Variants in TMEM130 observed in about 807,000 individuals in gnomAD.
The protein encoded by TMEM130 is transmembrane protein 130.
A neutral mutation model predicts 42.9 loss-of-function variants in TMEM130; 37 were observed. The ratio of observed to expected loss-of-function variants is 0.86; its 90% confidence interval spans 0.66 to 1.13. The LOEUF (loss-of-function observed/expected upper bound fraction) is 1.13. Among genes scored for constraint, TMEM130 ranks in the 50% most tolerant of loss-of-function variants. The pLI, the probability that TMEM130 is intolerant of heterozygous loss-of-function variation, is 0.00. For synonymous variants in TMEM130, 259 were observed against 237.7 expected (o/e 1.09, Z -0.82); for missense variants, 545 against 562.6 (o/e 0.97, Z 0.32).
chr7:98,859,011 G>A (rs782524767), intron 3 of TMEM130, among the ~76,000 whole-genome samples: 1 of 146,856 alleles, frequency 6.8e-6, no homozygotes, highest in Admixed American at 6.9e-5. Context: ...GAGAGGAGAG[G>A]AAGGGGGAAG....
rs782057076 is a variant in TMEM130, at chr7:98,851,579, G to A, written c.848C>T (p.Pro283Leu). 20 of 1,613,780 alleles carry A rather than the reference G, an allele frequency of 1.2e-5. No individual in the cohort carries two copies. The highest frequency in any genetic ancestry group is 1.6e-4 in the Middle Eastern group (1 of 6,082). The change falls in exon 6 of 8, where the codon CCG (proline) becomes CTG (leucine). Residue 283 changes from proline (P) to leucine (L), a missense_variant. Transcript: ENST00000339375. ...AGGGTGGCACTCCCCTTCCTCCAGC[G>A]GGAGGCACTCAGGCTTGAGACGCCA... ...VCWRLKPECL[P>L]LEEGECHPVS...
intron 1 of TMEM130, among the ~76,000 whole-genome samples, chr7:98,865,567 C>T (rs1554400518): frequency 6.6e-6 from 1 of 152,124 alleles, no homozygotes; most frequent in African/African-American, 2.4e-5. Context: ...AAGATTGCGC[C>T]ACTGCACTCC....
At chr7:98,861,765 A>T (rs1562910686) in intron 2 of TMEM130, among the ~76,000 whole-genome samples, 1 of 152,238 alleles carries the variant, frequency 6.6e-6, no homozygotes, top group Non-Finnish European at 1.5e-5. Context: ...AGAAAAAGGC[A>T]TGCTCAATAG....
chr7:98,858,570 G>A (rs1433167717), intron 3 of TMEM130, among the ~76,000 whole-genome samples: 1 of 152,044 alleles, frequency 6.6e-6, no homozygotes, highest in Non-Finnish European at 1.5e-5. Flanking sequence ...GGTGAGGAAA[G>A]CCAAGCACAG....
chr7:98,848,283 AC>A (rs1554397702), intron 7 of TMEM130, 75 bp from the exon 8 acceptor site: 1 of 1,581,186 alleles, frequency 6.3e-7, no homozygotes, highest in Admixed American at 1.8e-5. Context: ...TCACCCACCC[AC>A]CAGGAGCCCC....
chr7:98,861,263 G>A (rs1193566795), intron 2 of TMEM130, among the ~76,000 whole-genome samples: 4 of 151,762 alleles, frequency 2.6e-5, no homozygotes, highest in South Asian at 2.1e-4. Context: ...GTGTGAATCC[G>A]GGAGGCAGAG....
Position 98,847,957 on chromosome 7 carries a change from C to A in TMEM130, c.*99G>T. On this transcript the variant is annotated 3_prime_UTR_variant, in exon 8 of 8. Transcript: ENST00000339375. ...TGGATGATCCAGGCCAACAGCCCCA[C>A]GCAAATGAACCCCTCCTGGTCAGTG... The A allele has an allele frequency of 4.9e-6, 6 of 1,212,572 alleles. No individual in the cohort carries two copies. The highest frequency in any genetic ancestry group is 1.4e-5 in the South Asian group (1 of 70,520). 75.1% of individuals were successfully genotyped at this position (1,212,572 alleles called of 1,614,324 possible).
At chr7:98,851,244 C>T (rs901040378) in intron 6 of TMEM130, among the ~76,000 whole-genome samples, 177 bp downstream of exon 6, 5 of 151,990 alleles carry the variant, frequency 3.3e-5, no homozygotes, top group South Asian at 2.1e-4. Flanking sequence ...AGTTGGCCAG[C>T]GCTGATGTTG....
chr7:98,848,577 A>T lies in TMEM130; in HGVS notation c.1119+6T>A. On this transcript the variant is annotated splice_donor_region_variant and intron_variant, in intron 7 of 7. Coordinates refer to ENST00000339375, the MANE Select transcript of TMEM130 (RefSeq NM_152913.3). ...TAGTCCAGCCCCCACCCCACTGAGT[A>T]CCCACCTCCACCATGTCCTTTTGCT... The T allele has an allele frequency of 1.3e-6, 2 of 1,592,382 alleles. No individual in the cohort carries two copies.
chr7:98,853,306 T>C (rs561669852), intron 5 of TMEM130, among the ~76,000 whole-genome samples: 1 of 152,172 alleles, frequency 6.6e-6, no homozygotes, highest in East Asian at 1.9e-4. Flanking sequence ...AGCATCCCTC[T>C]CATGTGTCTC....
chr7:98,867,922 C>A (rs1037702706), intron 1 of TMEM130, among the ~76,000 whole-genome samples: 1 of 152,192 alleles, frequency 6.6e-6, no homozygotes, highest in Admixed American at 6.5e-5. Context: ...GGGCCTGGTG[C>A]TCTACCCACC....
In TMEM130 at chr7:98,869,137, G is replaced by A; in HGVS notation, c.85+640C>T. ...GCAGAGAGGTGGGTGCTGGCTTTCT[G>A]GCGGTGGGGAAGTGGGGGCAGTAGA... On this transcript the variant is annotated intron_variant, in intron 1 of 7. Coordinates refer to ENST00000339375, the MANE Select transcript of TMEM130 (RefSeq NM_152913.3). The surrounding 1 kb of genome is among the most constrained non-coding windows in gnomAD (Gnocchi z 4.7). The A allele has an allele frequency of 8.0e-7, 1 of 1,244,764 alleles. No homozygotes were observed. Among genetic ancestry groups the A allele is most frequent in the East Asian group, 6.1e-5 (1 of 16,396 alleles). 77.1% of individuals were successfully genotyped at this position (1,244,764 alleles called of 1,614,324 possible). A position where few individuals can be genotyped will look rare whatever the true frequency, so the allele number is the denominator to read the frequency against.
chr7:98,851,129 G>A (rs1181759612), intron 6 of TMEM130, among the ~76,000 whole-genome samples: 3 of 152,156 alleles, frequency 2.0e-5, no homozygotes, highest in African/African-American at 7.2e-5. Context: ...GTTGTTAGTG[G>A]TGCTGGTGTT....
At position 98,863,358 on chromosome 7, in the gene TMEM130, G is replaced by A. The variant is rs535741849; in HGVS notation, c.128C>T (p.Thr43Met). The A allele has an allele frequency of 1.3e-5, 21 of 1,606,094 alleles. No homozygotes were observed. Among genetic ancestry groups the A allele is most frequent in the East Asian group, 2.2e-5 (1 of 44,830 alleles). ...GGCCGAGATGGTCACCACCGCTCCC[G>A]TGGTGGCAGGGCTATCGGTGGTGAG... The part of the protein sequence containing the change: ...LNLTTDSPAT[T>M]GAVVTISASL... The change falls in exon 2 of 8, where the codon ACG becomes ATG. Residue 43 changes from threonine to methionine, a missense_variant. Physicochemically the swap from Thr to Met is moderately conservative, Grantham distance 81. Transcript: ENST00000339375.
intron 2 of TMEM130, among the ~76,000 whole-genome samples, chr7:98,862,669 T>C (rs1452414906): frequency 6.6e-6 from 1 of 151,902 alleles, no homozygotes; most frequent in Non-Finnish European, 1.5e-5. Flanking sequence ...CCCACTAATT[T>C]TTGTATTTTT....
rs560655286 is a variant in TMEM130, at chr7:98,853,853, G to A, written c.803+1387C>T. On this transcript the variant is annotated intron_variant, in intron 5 of 7. Coordinates refer to ENST00000339375, the MANE Select transcript of TMEM130 (RefSeq NM_152913.3). ...GAATCCCCTGGAATGATCTGCTTCC[G>A]TGTCATGCGGGGTGCCCCACCCTGC... Among the ~76,000 whole-genome samples, 4 of 152,302 alleles carry A rather than the reference G, an allele frequency of 2.6e-5. No individual in the cohort carries two copies. The South Asian group carries it at 6.2e-4, about 24-fold the overall frequency.
At chr7:98,865,481 G>A (rs1371150642) in intron 1 of TMEM130, among the ~76,000 whole-genome samples, 8 of 152,142 alleles carry the variant, frequency 5.3e-5, no homozygotes, top group Non-Finnish European at 7.3e-5. Flanking sequence ...GGTGGCATGC[G>A]CCTGTAATCA....
In TMEM130 at chr7:98,851,629, G is replaced by C. The variant is rs1163859282; in HGVS notation, c.804-6C>G. The C allele has an allele frequency of 6.2e-7, 1 of 1,603,424 alleles. No homozygotes were observed. Among genetic ancestry groups the C allele is most frequent in the Non-Finnish European group, 8.5e-7 (1 of 1,173,676 alleles). ...AGCACACAGTCAGAGGAGGGCTGCA[G>C]GGAAATGGGGGCGGTTTTTAAGAAA... On this transcript the variant is annotated splice_polypyrimidine_tract_variant and splice_region_variant and intron_variant, in intron 5 of 7. Transcript: ENST00000339375.
At chr7:98,861,397 T>C (rs374842270) in intron 2 of TMEM130, among the ~76,000 whole-genome samples, 1 of 151,094 alleles carries the variant, frequency 6.6e-6, no homozygotes, top group East Asian at 2.0e-4. Flanking sequence ...TTGGGACCAC[T>C]GTCCTATGTC....
Sources: allele counts gnomAD v4.1 joint callset (sites outside exome capture counted in the v4.1 genomes callset), GRCh38; gene constraint gnomAD v4.1.1; non-coding constraint Gnocchi (gnomAD v3.1); transcripts MANE v1.5; gene names NCBI Gene and HGNC (gene_info 2026-07-23, HGNC 2026-07-21).